Variants in MASP2 observed in about 807,000 individuals in gnomAD.
MASP2 encodes the protein MBL associated serine protease 2.
Under a neutral mutation model 57.1 loss-of-function variants are expected in MASP2, and 49 were observed. That is an observed-to-expected ratio of 0.86 (90% confidence interval 0.68 to 1.09). The LOEUF (loss-of-function observed/expected upper bound fraction) is 1.09, where lower values mean the gene tolerates loss of function less well. Among genes scored for constraint, MASP2 ranks in the 50% least tolerant of loss-of-function variants. MASP2 has a pLI of 0.00. For missense variants in MASP2, 900 were observed against 874.8 expected (o/e 1.03, Z -0.36); for synonymous variants, 379 against 340.8 (o/e 1.11, Z -1.24).
intron 4 of MASP2, chr1:11,044,761 T>TAC: frequency 1.3e-4 from 165 of 1,313,316 alleles, no homozygotes; most frequent in Middle Eastern, 2.8e-4. Context: ...CCCCGCCGCC[T>TAC]CCCGACCCTC....
intron 8 of MASP2, among the ~76,000 whole-genome samples, chr1:11,033,126 C>T (rs1450801267): frequency 2.0e-5 from 3 of 151,740 alleles, no homozygotes; most frequent in South Asian, 4.1e-4. Flanking sequence ...GGCGGGAGTT[C>T]GAGACCAGCC....
chr1:11,030,259 C>G lies in MASP2; in HGVS notation c.1223-9G>C. On this transcript the variant is annotated splice_polypyrimidine_tract_variant and intron_variant, in intron 9 of 10. Coordinates refer to ENST00000400897, the MANE Select transcript of MASP2 (RefSeq NM_006610.4). Reference sequence around the variant, plus strand: ...CTCACACACATATTTACCTGCAAATCATTGGAAAAGCAAAAATGTTTAACT... The same window carrying G: ...CTCACACACATATTTACCTGCAAATGATTGGAAAAGCAAAAATGTTTAACT... The G allele has an allele frequency of 6.2e-7, 1 of 1,609,166 alleles. No individual in the cohort carries two copies. Among genetic ancestry groups the G allele is most frequent in the Non-Finnish European group, 8.5e-7 (1 of 1,177,634 alleles).
chr1:11,034,803 G>T, intron 8 of MASP2, 25 bp downstream of exon 8: 1 of 1,577,764 alleles, frequency 6.3e-7, no homozygotes, highest in Non-Finnish European at 8.6e-7. Flanking sequence ...CGGTTATGGG[G>T]CCTGTAGTCA....
Position 11,045,515 on chromosome 1 carries a change from G to A in MASP2, c.437C>T (p.Pro146Leu), listed in dbSNP as rs1411989082. Residue 146 changes from proline to leucine, a missense_variant, in exon 4 of 11, where the codon CCG becomes CTG. Transcript: ENST00000400897. ...GTGGTCGCAGGTGGGCGCCTCTCCCGGGGCCACCTGGCACTCGTCAATGTC... is the reference window on the plus strand; with the variant it reads ...GTGGTCGCAGGTGGGCGCCTCTCCCAGGGCCACCTGGCACTCGTCAATGTC... ...AEDIDECQVA[P>L]GEAPTCDHHC... 10 of 1,608,122 alleles carry A rather than the reference G, an allele frequency of 6.2e-6. No individual in the cohort carries two copies. Among genetic ancestry groups the A allele is most frequent in the Non-Finnish European group, 7.6e-6 (9 of 1,178,692 alleles).
Position 11,026,698 on chromosome 1 carries a change from A to G in MASP2, c.*187T>C, listed in dbSNP as rs556349169. 3.9e-5 allele frequency: 17 copies of G among 438,456 alleles called. No individual in the cohort carries two copies. The highest frequency in any genetic ancestry group is 5.9e-4 in the Middle Eastern group (1 of 1,690). The allele number at this position is 438,456 out of a possible 1,614,324, so 27.2% of individuals were successfully genotyped here. A position where few individuals can be genotyped will look rare whatever the true frequency, so the allele number is the denominator to read the frequency against. ...TCGTGGTTTATGTCCCCTTGAGTCAATGGGTAAGGCTGGAATTAAACTGGC... is the reference window on the plus strand; with the variant it reads ...TCGTGGTTTATGTCCCCTTGAGTCAGTGGGTAAGGCTGGAATTAAACTGGC... On this transcript the variant is annotated 3_prime_UTR_variant, in exon 11 of 11. Transcript: ENST00000400897.
At position 11,026,935 on chromosome 1, in the gene MASP2, T is replaced by C; in HGVS notation, c.2011A>G (p.Lys671Glu). 9.2e-6 allele frequency: 14 copies of C among 1,513,776 alleles called. No individual in the cohort carries two copies. Among genetic ancestry groups the C allele is most frequent in the Non-Finnish European group, 9.7e-6 (11 of 1,133,046 alleles). The allele number at this position is 1,513,776 out of a possible 1,614,324, so 93.8% of individuals were successfully genotyped here. A position where few individuals can be genotyped will look rare whatever the true frequency, so the allele number is the denominator to read the frequency against. ...GEAGQYGVYT[K>E]VINYIPWIEN... ...ATCCAGGGAATATAGTTAATAACTT[T>C]TGTGTAGACTCCATACTGACCTGCT... Residue 671 changes from lysine (K) to glutamate (E), a missense_variant, in exon 11 of 11, where the codon AAA becomes GAA. Physicochemically the swap from Lys to Glu is moderately conservative, Grantham distance 56 (BLOSUM62 1). Transcript: ENST00000400897.
Position 11,037,700 on chromosome 1 carries a change from A to C in MASP2, c.1001T>G (p.Leu334Arg). 1 of 1,604,206 alleles carries C rather than the reference A, an allele frequency of 6.2e-7. No individual in the cohort carries two copies. Among genetic ancestry groups the C allele is most frequent in the South Asian group, 1.1e-5 (1 of 89,128 alleles). The part of the protein sequence containing the change: ...FSIFCETGYE[L>R]LQGHLPLKSF... ...TACTTTGTTTTAACTCACTTGCAGAAGCTCATAGCCAGTCTCGCAAAAGAT... is the reference window on the plus strand; with the variant it reads ...TACTTTGTTTTAACTCACTTGCAGACGCTCATAGCCAGTCTCGCAAAAGAT... Residue 334 changes from leucine (L) to arginine (R), a missense_variant, in exon 7 of 11, where the codon CTT becomes CGT. By Grantham distance (102) the Leu-to-Arg change is moderately radical (BLOSUM62 -2). Coordinates refer to ENST00000400897, the MANE Select transcript of MASP2 (RefSeq NM_006610.4).
intron 4 of MASP2, 57 bp downstream of exon 4, chr1:11,045,351 G>A: frequency 5.0e-6 from 8 of 1,609,344 alleles, no homozygotes; most frequent in South Asian, 1.1e-5. Flanking sequence ...CAATGGCCCT[G>A]AGGAGCCCCG....
intron 8 of MASP2, among the ~76,000 whole-genome samples, chr1:11,033,462 C>T (rs12086804): frequency 0.04 from 6,029 of 152,054 alleles, 399 homozygotes; most frequent in African/African-American, 0.14. Flanking sequence ...TTGGGCAGCA[C>T]GGTGAAATAC....
At position 11,043,468 on chromosome 1, in the gene MASP2, C is replaced by G; in HGVS notation, c.612G>C (p.Pro204=). The G allele has an allele frequency of 6.2e-7, 1 of 1,610,056 alleles. No individual in the cohort carries two copies. Among genetic ancestry groups the G allele is most frequent in the Non-Finnish European group, 8.5e-7 (1 of 1,178,660 alleles). The change falls in exon 5 of 11, where the codon CCG becomes CCC. Residue 204 remains proline (P), a synonymous_variant. Coordinates refer to ENST00000400897, the MANE Select transcript of MASP2 (RefSeq NM_006610.4). ...GELSSPEYPR[P]YPKLSSCTYS... ...AAGTGCAACTGGAGAGTTTGGGATA[C>G]GGCCGTGGGTATTCAGGGCTGCTGA...
At chr1:11,043,077 C>T (rs540087500) in intron 5 of MASP2, 55 bp from the exon 6 acceptor site, 130 of 1,585,456 alleles carry the variant, frequency 8.2e-5, no homozygotes, top group Non-Finnish European at 1.1e-4. Flanking sequence ...TGGCCTGGGC[C>T]GGAGGGAAGT....
intron 6 of MASP2, among the ~76,000 whole-genome samples, chr1:11,041,019 G>GTGGA: frequency 6.8e-6 from 1 of 146,690 alleles, no homozygotes; most frequent in East Asian, 2.2e-4. Flanking sequence ...GGGTGGATGG[G>GTGGA]TAGATGAATA....
chr1:11,044,686 T>C, intron 4 of MASP2: 2 of 1,000,708 alleles, frequency 2.0e-6, no homozygotes, highest in Admixed American at 2.8e-5. Flanking sequence ...TGTGGCCCCA[T>C]GGAGGAGGCT....
rs769129585 is a variant in MASP2, at chr1:11,046,720, GC to G, written c.247del (p.Ala83ProfsTer192). On this transcript the variant is annotated frameshift_variant, in exon 3 of 11. Coordinates refer to ENST00000400897, the MANE Select transcript of MASP2 (RefSeq NM_006610.4). LOFTEE classifies it high-confidence loss of function. ...EYDFVKLSSGAKVLATLCGQE... is the reference protein window; with the variant it reads ...EYDFVKLSSGXKVLATLCGQE... The stretch of plus-strand genomic sequence containing the variant: ...CCCGCACAGCGTGGCCAGCACCTTG[GC>G]CCCCGAGCTCAGCTGTGGGGTCAGG... 6.2e-7 allele frequency: 1 copy of G among 1,612,540 alleles called. No individual in the cohort carries two copies. The highest frequency in any genetic ancestry group is 8.5e-7 in the Non-Finnish European group (1 of 1,179,698).
In MASP2 at chr1:11,042,957, T is replaced by C; in HGVS notation, c.807A>G (p.Thr269=). ...CGKTLPHRIE[T]KSNTVTITFV... ...AGGTGATGGTCACCGTGTTGCTTTT[T>C]GTTTCAATCCTGTGGGGCAATGTCT... The change falls in exon 6 of 11, where the codon ACA becomes ACG. Residue 269 remains threonine, a synonymous_variant. Transcript: ENST00000400897. 1 of 1,614,042 alleles carries C rather than the reference T, an allele frequency of 6.2e-7. No individual in the cohort carries two copies. The highest frequency in any genetic ancestry group is 8.5e-7 in the Non-Finnish European group (1 of 1,179,928).
intron 4 of MASP2, 108 bp from the exon 5 acceptor site, chr1:11,043,643 CTGGGA>C: frequency 2.7e-6 from 2 of 746,884 alleles, no homozygotes; most frequent in Non-Finnish European, 4.3e-6. Context: ...AGGGATGTGG[CTGGGA>C]CATCTGCATC....
In MASP2 at chr1:11,029,355, T is replaced by C. The variant is rs779389725; in HGVS notation, c.1297+821A>G. Among the ~76,000 whole-genome samples the C allele has an allele frequency of 2.5e-4, 36 of 146,274 alleles. 1 individual carries two copies. The highest frequency in any genetic ancestry group is 3.4e-3 in the Middle Eastern group (1 of 292). On this transcript the variant is annotated intron_variant, in intron 10 of 10. Transcript: ENST00000400897. ...GGGGGAGGTTGCAGTGAGCCGAGAT[T>C]GCGCCACTGCACTCCAACCTGGCAA...
chr1:11,045,564 G>C (rs1376767083), intron 3 of MASP2, 25 bp from the exon 4 acceptor site: 1 of 1,591,994 alleles, frequency 6.3e-7, no homozygotes, highest in Non-Finnish European at 8.5e-7. Context: ...GGGCCAGGCA[G>C]GCCGTCAGGA....
In MASP2 at chr1:11,037,640, T is replaced by G. The variant is rs1638283545; in HGVS notation, c.1008+53A>C. The G allele has an allele frequency of 2.0e-5, 23 of 1,136,952 alleles. No individual in the cohort carries two copies. In the South Asian group the frequency reaches 2.9e-4, roughly 14 times the overall value. The allele number at this position is 1,136,952 out of a possible 1,614,324, so 70.4% of individuals were successfully genotyped here. ...TCACATATCTGCAGATAGAAATATG[T>G]TTACATTTCAAAGCAATCGTCATTG... On this transcript the variant is annotated intron_variant, in intron 7 of 10. Coordinates refer to ENST00000400897, the MANE Select transcript of MASP2 (RefSeq NM_006610.4).
Sources: gnomAD v4.1 joint callset for allele counts (sites outside exome capture counted in the v4.1 genomes callset) on GRCh38, gnomAD v4.1.1 for gene constraint, MANE v1.5 for transcripts, NCBI Gene and HGNC (gene_info 2026-07-23, HGNC 2026-07-21) for gene names.